Variants in PTPRT observed in about 807,000 individuals in gnomAD.
The protein encoded by PTPRT is receptor-type tyrosine-protein phosphatase T.
PTPRT carries 56 observed loss-of-function variants against 176.8 expected under a neutral mutation model. The ratio of observed to expected loss-of-function variants is 0.32; its 90% CI spans 0.26 to 0.40. The LOEUF (loss-of-function observed/expected upper bound fraction) is 0.40. PTPRT is among the 10% of genes least tolerant of loss of function. PTPRT has a pLI of 1.00. For synonymous variants in PTPRT, 783 were observed against 739.0 expected (o/e 1.06, Z -0.96); for missense variants, 1,540 against 1,908.2 (o/e 0.81, Z 3.60).
At chr20:42,384,216 CT>C (rs2058722049) in intron 9 of PTPRT, among the ~76,000 whole-genome samples, 1 of 152,218 alleles carries the variant, frequency 6.6e-6, no homozygotes, top group African/African-American at 2.4e-5. Context: ...CAATGTGGCT[CT>C]TGCTTTATAG....
intron 27 of PTPRT, among the ~76,000 whole-genome samples, chr20:42,088,134 C>T (rs997303778): frequency 5.3e-5 from 8 of 152,048 alleles, no homozygotes; most frequent in South Asian, 2.1e-4. Context: ...GCTGCAGGCT[C>T]GCTGGGGACC....
At chr20:42,282,606 T>A (rs1600776885) in intron 12 of PTPRT, 81 bp from the exon 13 acceptor site, 1 of 1,075,558 alleles carries the variant, frequency 9.3e-7, no homozygotes, top group East Asian at 2.6e-5. Context: ...AATACATATA[T>A]ATTTGCATAT....
At chr20:42,084,608 TG>T in intron 29 of PTPRT, 73 bp downstream of exon 29, 1 of 1,280,946 alleles carries the variant, frequency 7.8e-7, no homozygotes. Context: ...CTGGGGTATG[TG>T]GCCAGCAGCA....
chr20:43,068,215 G>A (rs937585769), intron 1 of PTPRT, among the ~76,000 whole-genome samples: 9 of 147,224 alleles, frequency 6.1e-5, no homozygotes, highest in Non-Finnish European at 1.4e-4. Context: ...TTTTTAAAAC[G>A]AATTAGGGGC....
chr20:42,851,852 T>C (rs2078477682), intron 2 of PTPRT, among the ~76,000 whole-genome samples: 1 of 152,236 alleles, frequency 6.6e-6, no homozygotes, highest in African/African-American at 2.4e-5. Context: ...CAATCTATGC[T>C]TATGTACGGA....
chr20:42,980,085 A>G (rs1275341288), intron 1 of PTPRT, among the ~76,000 whole-genome samples: 1 of 152,298 alleles, frequency 6.6e-6, no homozygotes, highest in East Asian at 1.9e-4. Flanking sequence ...GGTGTGGTTA[A>G]TCAGAGCAAT....
chr20:42,613,517 G>A (rs2074010065), intron 7 of PTPRT, among the ~76,000 whole-genome samples: 1 of 152,216 alleles, frequency 6.6e-6, no homozygotes, highest in African/African-American at 2.4e-5. Flanking sequence ...GTTATCATAT[G>A]TAAATGTAAG....
At chr20:42,899,985 C>A (rs1444489040) in intron 1 of PTPRT, among the ~76,000 whole-genome samples, 1 of 152,198 alleles carries the variant, frequency 6.6e-6, no homozygotes, top group African/African-American at 2.4e-5. Flanking sequence ...CTCATTCAAT[C>A]CTCAAAAGAG....
At chr20:42,830,579 A>G (rs868528818) in intron 2 of PTPRT, among the ~76,000 whole-genome samples, 5 of 152,368 alleles carry the variant, frequency 3.3e-5, no homozygotes, top group Middle Eastern at 6.8e-3. Flanking sequence ...TCAACATAGC[A>G]TTGGAAGCCC....
intron 13 of PTPRT, among the ~76,000 whole-genome samples, chr20:42,275,071 A>C (rs1256108953): frequency 6.6e-6 from 1 of 152,248 alleles, no homozygotes; most frequent in East Asian, 1.9e-4. Flanking sequence ...ATCATTAAGT[A>C]ATAACGATGA....
chr20:42,826,813 T>C (rs1365684479), intron 2 of PTPRT, among the ~76,000 whole-genome samples: 1 of 152,024 alleles, frequency 6.6e-6, no homozygotes, highest in Non-Finnish European at 1.5e-5. Flanking sequence ...AAGAGACCCA[T>C]CTCACATGCA....
intron 1 of PTPRT, among the ~76,000 whole-genome samples, chr20:42,975,476 G>A (rs927530685): frequency 6.6e-6 from 1 of 152,000 alleles, no homozygotes; most frequent in Non-Finnish European, 1.5e-5. Context: ...TTATGGATAG[G>A]TACTTTTTTA....
At chr20:42,102,896 G>A (rs1443429896) in intron 25 of PTPRT, among the ~76,000 whole-genome samples, 1 of 152,242 alleles carries the variant, frequency 6.6e-6, no homozygotes, top group Non-Finnish European at 1.5e-5. Context: ...AACTGCTCTA[G>A]CCAATGGACT....
intron 12 of PTPRT, among the ~76,000 whole-genome samples, chr20:42,292,336 T>C (rs2057329986): frequency 6.6e-6 from 1 of 152,076 alleles, no homozygotes; most frequent in Non-Finnish European, 1.5e-5. Context: ...TGTCCTCTTT[T>C]CTTTTTTCTT....
At chr20:42,786,998 A>C (rs1159883644) in intron 3 of PTPRT, among the ~76,000 whole-genome samples, 1 of 152,206 alleles carries the variant, frequency 6.6e-6, no homozygotes, top group Non-Finnish European at 1.5e-5. Flanking sequence ...TTTGCACATA[A>C]AGTTTTGTTG....
chr20:43,122,419 CAT>C (rs983533380), intron 1 of PTPRT, among the ~76,000 whole-genome samples: 36 of 152,330 alleles, frequency 2.4e-4, no homozygotes, highest in African/African-American at 8.4e-4. Context: ...TGTCCACAAA[CAT>C]GAAGAGAGCA....
At chr20:42,570,154 C>T (rs1385747416) in intron 7 of PTPRT, among the ~76,000 whole-genome samples, 7 of 152,218 alleles carry the variant, frequency 4.6e-5, no homozygotes, top group African/African-American at 1.7e-4. Context: ...CAGTGTGTGT[C>T]GTCAGTGTCT....
At chr20:42,625,541 C>T (rs1331573708) in intron 7 of PTPRT, among the ~76,000 whole-genome samples, 1 of 151,998 alleles carries the variant, frequency 6.6e-6, no homozygotes, top group African/African-American at 2.4e-5. Context: ...CTCCCATCCT[C>T]TGCCCCTACC....
At chr20:42,414,678 A>T (rs549388845) in intron 9 of PTPRT, among the ~76,000 whole-genome samples, 11 of 152,248 alleles carry the variant, frequency 7.2e-5, no homozygotes, top group Non-Finnish European at 1.3e-4. Context: ...ATCAGAAAAA[A>T]TAATCTAGGA....
Sources: gnomAD v4.1 joint callset for allele counts (sites outside exome capture counted in the v4.1 genomes callset) on GRCh38, gnomAD v4.1.1 for gene constraint, MANE v1.5 for transcripts, NCBI Gene and HGNC (gene_info 2026-07-23, HGNC 2026-07-21) for gene names.